CEP44: variants seen among roughly 807,000 people sequenced by gnomAD.
The protein encoded by CEP44 is centrosomal protein of 44 kDa.
A neutral mutation model predicts 46.7 loss-of-function variants in CEP44; 45 were observed. The ratio of observed to expected loss-of-function variants is 0.96; its 90% CI spans 0.76 to 1.24. The LOEUF (loss-of-function observed/expected upper bound fraction) is 1.24, where lower values mean the gene tolerates loss of function less well. Ranked by LOEUF, CEP44 falls within the 50% of genes most tolerant of loss-of-function variation. CEP44 has a pLI of 0.00. For missense variants in CEP44, 475 were observed against 459.7 expected, an observed-to-expected ratio of 1.03 and a Z score of -0.30; for synonymous variants, 142 against 146.0, an observed-to-expected ratio of 0.97 and a Z score of 0.20.
chr4:174,304,121 C>T, intron 5 of CEP44, 126 bp from the exon 6 acceptor site: 1 of 1,151,246 alleles, frequency 8.7e-7, no homozygotes, highest in Non-Finnish European at 1.2e-6. Flanking sequence ...GTCATGTAGT[C>T]TCATTAGAGT....
downstream of CEP44, among the ~76,000 whole-genome samples, chr4:174,322,049 A>G (rs186573396): frequency 1.2e-4 from 18 of 152,246 alleles, no homozygotes; most frequent in Admixed American, 5.9e-4. Flanking sequence ...TTGTTTGTTG[A>G]TATTCACACT....
chr4:174,296,410 C>G (rs1388433527), intron 1 of CEP44, among the ~76,000 whole-genome samples: 1 of 152,144 alleles, frequency 6.6e-6, no homozygotes, highest in Admixed American at 6.5e-5. Flanking sequence ...TTGAACCTTT[C>G]AGTTTGGTCC....
downstream of CEP44, among the ~76,000 whole-genome samples, chr4:174,321,475 A>G (rs1342994096): frequency 6.6e-6 from 1 of 152,146 alleles, no homozygotes; most frequent in Non-Finnish European, 1.5e-5. Context: ...CTTTGTACAA[A>G]TAACTTGTTT....
In CEP44 at chr4:174,287,712, G is replaced by A. The variant is rs1737722921; in HGVS notation, c.-148+3769G>A. Among the ~76,000 whole-genome samples the A allele has an allele frequency of 6.6e-6, 1 of 152,084 alleles. No individual in the cohort carries two copies. Among genetic ancestry groups the A allele is most frequent in the Admixed American group, 6.6e-5 (1 of 15,256 alleles). On this transcript the variant is annotated intron_variant, in intron 1 of 11. Transcript: ENST00000503780. This position sits in a 1 kb window ranked among gnomAD's most constrained non-coding sequence, Gnocchi z 5.1. The stretch of plus-strand genomic sequence containing the variant: ...TATTAATACACGAAGATCAAAAAGT[G>A]ACCAAAATTGTTCAAAAGGTACAAT...
chr4:174,294,015 C>T (rs1311427188), intron 1 of CEP44, among the ~76,000 whole-genome samples: 1 of 149,410 alleles, frequency 6.7e-6, no homozygotes, highest in African/African-American at 2.5e-5. Flanking sequence ...GATTTTGAGC[C>T]TCTTCATATT....
At chr4:174,315,405 C>T (rs955579018) in intron 9 of CEP44, among the ~76,000 whole-genome samples, 4 of 151,744 alleles carry the variant, frequency 2.6e-5, no homozygotes, top group Admixed American at 1.3e-4. Context: ...TAGGTTTTTC[C>T]GTTTTTTAGA....
Position 174,314,279 on chromosome 4 carries a change from C to T in CEP44, c.962-1887C>T, listed in dbSNP as rs921798139. Reference sequence around the variant, plus strand: ...TCCTTTCCAACCTGAACTCAGTTACCAATTCTTTTCTCAATCCCCTATAGC... The same window carrying T: ...TCCTTTCCAACCTGAACTCAGTTACTAATTCTTTTCTCAATCCCCTATAGC... On this transcript the variant is annotated intron_variant, in intron 9 of 11. Transcript: ENST00000503780. The surrounding 1 kb of genome is among the most constrained non-coding windows in gnomAD (Gnocchi z 4.1). 4.6e-5 allele frequency among the ~76,000 whole-genome samples: 7 copies of T among 152,120 alleles called. No individual in the cohort carries two copies. The highest frequency in any genetic ancestry group is 1.0e-4 in the Non-Finnish European group (7 of 68,016).
Position 174,318,432 on chromosome 4 carries a change from T to C in CEP44, c.*1049T>C. 1.0e-6 allele frequency: 1 copy of C among 984,184 alleles called. No homozygotes were observed. The highest frequency in any genetic ancestry group is 1.2e-6 in the Non-Finnish European group (1 of 828,840). 61.0% of individuals were successfully genotyped at this position (984,184 alleles called of 1,614,324 possible). ...GTTTTGTTTTTTTAATGATGAAAAG[T>C]TACACATTTTTTGGAGAGAAAAGTC... On this transcript the variant is annotated 3_prime_UTR_variant, in exon 12 of 12. Coordinates refer to ENST00000503780, the MANE Select transcript of CEP44 (RefSeq NM_001040157.3).
chr4:174,315,227 G>T (rs115082616), intron 9 of CEP44, among the ~76,000 whole-genome samples: 1 of 149,158 alleles, frequency 6.7e-6, no homozygotes, highest in Admixed American at 6.7e-5. Context: ...TTAAATGGGT[G>T]TCTAATTTTT....
chr4:174,321,571 A>C (rs575583164), downstream of CEP44, among the ~76,000 whole-genome samples: 8 of 152,140 alleles, frequency 5.3e-5, no homozygotes, highest in Non-Finnish European at 1.2e-4. Context: ...TTTATGTTGA[A>C]AAATTTCCTA....
intron 4 of CEP44, 147 bp downstream of exon 4, chr4:174,302,333 A>G (rs1008105590): frequency 5.3e-6 from 3 of 564,168 alleles, no homozygotes; most frequent in African/African-American, 2.0e-5. Context: ...TGTAGTCTCT[A>G]TTGAAATCAA....
At position 174,325,368 on chromosome 4, in the gene CEP44, G is replaced by T. The variant is rs948855715; in HGVS notation, c.1087-6114G>T. On this transcript the variant is annotated intron_variant, in intron 8 of 8. Transcript: ENST00000426172. The surrounding 1 kb of genome is among the most constrained non-coding windows in gnomAD (Gnocchi z 4.4). ...AAATTTATTCATCACTGAGAGAGGG[G>T]TGTAGCCATGTACAGTCACTCATGC... Among the ~76,000 whole-genome samples the T allele has an allele frequency of 2.0e-5, 3 of 152,008 alleles. No homozygotes were observed. The highest frequency in any genetic ancestry group is 7.2e-5 in the African/African-American group (3 of 41,392).
intron 8 of CEP44, among the ~76,000 whole-genome samples, chr4:174,330,507 T>C (rs956812303): frequency 1.9e-4 from 29 of 152,008 alleles, no homozygotes; most frequent in African/African-American, 6.7e-4. Flanking sequence ...AAAAAAAAAT[T>C]ATGTGATACA....
rs1742191532 is a variant in CEP44 at position 174,320,236 on chromosome 4, G to A, written c.*2853G>A. On this transcript the variant is annotated 3_prime_UTR_variant, in exon 12 of 12. Transcript: ENST00000503780. ...GGTAAAGCTAAGTACTATTGAGTTGGAAAAAAGTAATTCTATCATGTTTGC... is the reference window on the plus strand; with the variant it reads ...GGTAAAGCTAAGTACTATTGAGTTGAAAAAAAGTAATTCTATCATGTTTGC... The A allele has an allele frequency of 1.0e-6, 1 of 984,686 alleles. No homozygotes were observed. Among genetic ancestry groups the A allele is most frequent in the African/African-American group, 1.8e-5 (1 of 57,130 alleles). The allele number at this position is 984,686 out of a possible 1,614,324, so 61.0% of individuals were successfully genotyped here. A position where few individuals can be genotyped will look rare whatever the true frequency, so the allele number is the denominator to read the frequency against.
chr4:174,298,481 T>G (rs571977840), intron 2 of CEP44, among the ~76,000 whole-genome samples: 1 of 152,318 alleles, frequency 6.6e-6, no homozygotes, highest in Admixed American at 6.5e-5. Context: ...AGCCATGATT[T>G]TTAATTATTT....
rs1274790959 is a variant in CEP44 at position 174,297,322 on chromosome 4, T to C, written c.-147-644T>C. Among the ~76,000 whole-genome samples, 2 of 152,090 alleles carry C rather than the reference T, an allele frequency of 1.3e-5. No individual in the cohort carries two copies. Among genetic ancestry groups the C allele is most frequent in the Non-Finnish European group, 2.9e-5 (2 of 68,002 alleles). On this transcript the variant is annotated intron_variant, in intron 1 of 11. Coordinates refer to ENST00000503780, the MANE Select transcript of CEP44 (RefSeq NM_001040157.3). This position sits in a 1 kb window ranked among gnomAD's most constrained non-coding sequence, Gnocchi z 4.3. Reference sequence around the variant, plus strand: ...CTATTTCCACCAAATTTTTCTTCTCTGCTTATTTTGTTTAAGGTATTTATA... The same window carrying C: ...CTATTTCCACCAAATTTTTCTTCTCCGCTTATTTTGTTTAAGGTATTTATA...
intron 11 of CEP44, 51 bp from the exon 12 acceptor site, chr4:174,317,283 TG>T: frequency 4.1e-6 from 3 of 735,994 alleles, no homozygotes; most frequent in Non-Finnish European, 6.1e-6. Flanking sequence ...TAAAATGCTA[TG>T]CTTTATTATG....
chr4:174,299,087 AT>A lies in CEP44; in HGVS notation c.-32del. Reference sequence around the variant, plus strand: ...CTATTTTCAGGTGAAAAATTAGACGATTTCAAGAATTGGAGCTGAATCTGAT... The same window carrying A: ...CTATTTTCAGGTGAAAAATTAGACGATTCAAGAATTGGAGCTGAATCTGAT... On this transcript the variant is annotated 5_prime_UTR_variant, in exon 3 of 12. Transcript: ENST00000503780. 6.4e-7 allele frequency: 1 copy of A among 1,564,862 alleles called. No homozygotes were observed. The highest frequency in any genetic ancestry group is 8.8e-7 in the Non-Finnish European group (1 of 1,142,264).
At position 174,319,981 on chromosome 4, in the gene CEP44, C is replaced by A. The variant is rs374885753; in HGVS notation, c.*2598C>A. The stretch of plus-strand genomic sequence containing the variant: ...GAAGAGATTACCTAGAGCTACATAA[C>A]CCTAAGTTAAGTAAAATTTTCACTT... On this transcript the variant is annotated 3_prime_UTR_variant, in exon 12 of 12. Coordinates refer to ENST00000503780, the MANE Select transcript of CEP44 (RefSeq NM_001040157.3). 101 of 985,172 alleles carry A rather than the reference C, an allele frequency of 1.0e-4. 1 individual carries two copies. The East Asian group carries it at 9.7e-3, about 94-fold the overall frequency. The allele number at this position is 985,172 out of a possible 1,614,324, so 61.0% of individuals were successfully genotyped here. A position where few individuals can be genotyped will look rare whatever the true frequency, so the allele number is the denominator to read the frequency against.
Sources: gnomAD v4.1 joint callset for allele counts (sites outside exome capture counted in the v4.1 genomes callset) on GRCh38, gnomAD v4.1.1 for gene constraint, Gnocchi (gnomAD v3.1) non-coding constraint, MANE v1.5 for transcripts, NCBI Gene and HGNC (gene_info 2026-07-23, HGNC 2026-07-21) for gene names.